CADPS2: variants seen among roughly 807,000 people sequenced by gnomAD.
The protein encoded by CADPS2 is calcium-dependent secretion activator 2.
Under a neutral mutation model 172.5 loss-of-function variants are expected in CADPS2, and 93 were observed. The ratio of observed to expected loss-of-function variants is 0.54; its 90% CI spans 0.46 to 0.64. The LOEUF (loss-of-function observed/expected upper bound fraction) is 0.64. Among genes scored for constraint, CADPS2 ranks in the 30% least tolerant of loss-of-function variants. CADPS2 has a pLI of 0.00. For synonymous variants in CADPS2, 546 were observed against 555.2 expected (o/e 0.98, Z 0.23); for missense variants, 1,420 against 1,565.9 (o/e 0.91, Z 1.57).
At chr7:122,327,710 C>T (rs2034151389) in intron 28 of CADPS2, among the ~76,000 whole-genome samples, 1 of 151,598 alleles carries the variant, frequency 6.6e-6, no homozygotes, top group Non-Finnish European at 1.5e-5. Context: ...ACACAGAAAT[C>T]ATTTATATAT....
chr7:122,400,421 G>A (rs974069123), intron 20 of CADPS2, among the ~76,000 whole-genome samples: 1 of 151,758 alleles, frequency 6.6e-6, no homozygotes, highest in Non-Finnish European at 1.5e-5. Flanking sequence ...TGGGCAATAA[G>A]AGCGAAACTC....
At chr7:122,837,456 C>G (rs975757096) in intron 1 of CADPS2, among the ~76,000 whole-genome samples, 10 of 152,034 alleles carry the variant, frequency 6.6e-5, no homozygotes, top group Non-Finnish European at 2.9e-5. Context: ...GACAGAGACA[C>G]AAAAAACCCT....
intron 2 of CADPS2, among the ~76,000 whole-genome samples, chr7:122,664,540 T>G (rs1215036185): frequency 6.6e-6 from 1 of 152,174 alleles, no homozygotes; most frequent in Non-Finnish European, 1.5e-5. Flanking sequence ...CACCAGAGAT[T>G]TGGCCTTAAA....
intron 17 of CADPS2, chr7:122,436,419 C>G (rs1300570624): frequency 3.3e-6 from 4 of 1,225,216 alleles, no homozygotes; most frequent in Non-Finnish European, 4.2e-6. Flanking sequence ...GAAAAGCAAA[C>G]TCTACCCTTG....
intron 25 of CADPS2, chr7:122,366,736 A>G (rs1368673663): frequency 6.9e-6 from 1 of 145,872 alleles, no homozygotes; most frequent in African/African-American, 2.5e-5. Context: ...TATGTATAAT[A>G]ACACAATACA....
chr7:122,469,547 T>C (rs370209216), intron 14 of CADPS2, among the ~76,000 whole-genome samples: 9 of 152,060 alleles, frequency 5.9e-5, no homozygotes, highest in Non-Finnish European at 1.0e-4. Context: ...GAGTGTGAGA[T>C]AGTGGGGAAA....
intron 1 of CADPS2, among the ~76,000 whole-genome samples, chr7:122,826,312 G>A (rs572231462): frequency 1.3e-5 from 2 of 152,300 alleles, no homozygotes; most frequent in Admixed American, 1.3e-4. Flanking sequence ...CATGGAAAAT[G>A]CTGCTGGAGC....
At chr7:122,341,328 C>T (rs1053877055) in intron 28 of CADPS2, among the ~76,000 whole-genome samples, 1 of 152,088 alleles carries the variant, frequency 6.6e-6, no homozygotes, top group Non-Finnish European at 1.5e-5. Context: ...AAGTACAAGA[C>T]CCTTTATGCA....
intron 1 of CADPS2, among the ~76,000 whole-genome samples, chr7:122,782,136 G>T (rs149473082): frequency 6.6e-6 from 1 of 152,098 alleles, no homozygotes; most frequent in Non-Finnish European, 1.5e-5. Flanking sequence ...ATAAAGAAAA[G>T]CTATTGATAT....
intron 1 of CADPS2, among the ~76,000 whole-genome samples, chr7:122,754,475 CTTT>C (rs1260967125): frequency 6.6e-6 from 1 of 151,980 alleles, no homozygotes; most frequent in African/African-American, 2.4e-5. Context: ...CATGAAATGT[CTTT>C]TTTCTTTTTT....
At chr7:122,713,262 T>G (rs2089049444) in intron 2 of CADPS2, among the ~76,000 whole-genome samples, 1 of 151,384 alleles carries the variant, frequency 6.6e-6, no homozygotes, top group Non-Finnish European at 1.5e-5. Context: ...TGTTGAATTT[T>G]GCAAGTTTAA....
chr7:122,397,515 A>G (rs1463351530), intron 20 of CADPS2, among the ~76,000 whole-genome samples: 1 of 151,944 alleles, frequency 6.6e-6, no homozygotes, highest in Non-Finnish European at 1.5e-5. Context: ...AAGAGGGGGA[A>G]AGAAAGGAAA....
At chr7:122,736,090 A>C (rs1193462852) in intron 2 of CADPS2, among the ~76,000 whole-genome samples, 2 of 152,162 alleles carry the variant, frequency 1.3e-5, no homozygotes, top group Admixed American at 1.3e-4. Flanking sequence ...GCTTGGGGTA[A>C]GGTAAACTTC....
intron 8 of CADPS2, among the ~76,000 whole-genome samples, chr7:122,540,732 G>A (rs944010681): frequency 1.1e-4 from 16 of 152,050 alleles, no homozygotes; most frequent in African/African-American, 3.4e-4. Context: ...TGAATATTTG[G>A]TAGCAGGATA....
chr7:122,706,865 A>G (rs933861164), intron 2 of CADPS2, among the ~76,000 whole-genome samples: 7 of 149,976 alleles, frequency 4.7e-5, no homozygotes, highest in East Asian at 2.0e-4. Context: ...CCAGAAACTT[A>G]CCAGACTTCC....
intron 1 of CADPS2, among the ~76,000 whole-genome samples, chr7:122,862,316 C>A (rs1160756364): frequency 6.6e-6 from 1 of 152,188 alleles, no homozygotes; most frequent in African/African-American, 2.4e-5. Context: ...GCTAAGGAAC[C>A]CTAACAGCTT....
chr7:122,621,204 T>C (rs1390255456), intron 5 of CADPS2, among the ~76,000 whole-genome samples: 2 of 152,124 alleles, frequency 1.3e-5, no homozygotes, highest in Non-Finnish European at 2.9e-5. Context: ...GCTCATCTTA[T>C]TTTATCAGTA....
chr7:122,508,449 G>GTTTTTTT (rs1205155217), intron 9 of CADPS2, among the ~76,000 whole-genome samples: 19 of 68,438 alleles, frequency 2.8e-4, no homozygotes, highest in Non-Finnish European at 4.3e-4. Flanking sequence ...ATTCATTTAA[G>GTTTTTTT]TTTTTTTTTT....
chr7:122,606,578 A>G (rs1587782659), intron 6 of CADPS2, among the ~76,000 whole-genome samples: 1 of 152,132 alleles, frequency 6.6e-6, no homozygotes. Context: ...AGCTTGGGGT[A>G]GGAGAATGAG....
Sources: gnomAD v4.1 joint callset for allele counts (sites outside exome capture counted in the v4.1 genomes callset) on GRCh38, gnomAD v4.1.1 for gene constraint, MANE v1.5 for transcripts, NCBI Gene and HGNC (gene_info 2026-07-23, HGNC 2026-07-21) for gene names.